The following CCDC47 variants were observed in gnomAD, a reference collection of about 807,000 sequenced individuals.
The protein encoded by CCDC47 is coiled-coil domain containing 47, also known as PAT complex subunit CCDC47.
Under a neutral mutation model 60.5 loss-of-function variants are expected in CCDC47, and 41 were observed. The ratio of observed to expected loss-of-function variants is 0.68; its 90% CI spans 0.53 to 0.88. The LOEUF (loss-of-function observed/expected upper bound fraction) is 0.88. Among genes scored for constraint, CCDC47 ranks in the 40% least tolerant of loss-of-function variants. The pLI is 0.00. For missense variants in CCDC47, 513 were observed against 580.9 expected, an observed-to-expected ratio of 0.88 and a Z score of 1.20; for synonymous variants, 195 against 190.7, an observed-to-expected ratio of 1.02 and a Z score of -0.18.
At chr17:63,747,835 A>C in intron 12 of CCDC47, 1 of 968,238 alleles carries the variant, frequency 1.0e-6, no homozygotes, top group South Asian at 4.8e-5. Context: ...TGGTTTGGGA[A>C]CTATTGACTG....
At position 63,761,222 on chromosome 17, in the gene CCDC47, C is replaced by T. The variant is rs376901802; in HGVS notation, c.669+8G>A. 8.1e-5 allele frequency: 131 copies of T among 1,613,912 alleles called. No individual in the cohort carries two copies. Among genetic ancestry groups the T allele is most frequent in the Non-Finnish European group, 9.7e-5 (115 of 1,179,966 alleles). On this transcript the variant is annotated splice_region_variant and intron_variant, in intron 5 of 12. Transcript: ENST00000225726. ...AGATATATATCGTACAAGAAGTTTC[C>T]TACTTACCCTCAGCTGGATAAGCAT... is the stretch of plus-strand genomic sequence containing the variant.
At position 63,750,136 on chromosome 17, in the gene CCDC47, A is replaced by G. The variant is rs141047650; in HGVS notation, c.1371+1804T>C. On this transcript the variant is annotated intron_variant, in intron 12 of 12. Coordinates refer to ENST00000225726, the MANE Select transcript of CCDC47 (RefSeq NM_020198.3). ...GATTTACATCGACAAGAAGCTTACA[A>G]TCTGACTCAGGTTAAGTTTCAGGCC... Among the ~76,000 whole-genome samples, 39 of 152,280 alleles carry G rather than the reference A, an allele frequency of 2.6e-4. No homozygotes were observed. The East Asian group carries it at 5.4e-3, about 21-fold the overall frequency.
chr17:63,756,061 A>G (rs1321868431), intron 8 of CCDC47, among the ~76,000 whole-genome samples, 179 bp downstream of exon 8: 1 of 152,256 alleles, frequency 6.6e-6, no homozygotes, highest in Non-Finnish European at 1.5e-5. Flanking sequence ...TTGACTAATC[A>G]AATTGTCCTT....
chr17:63,761,878 A>C, intron 4 of CCDC47: 3 of 832,262 alleles, frequency 3.6e-6, no homozygotes, highest in Non-Finnish European at 4.3e-6. Context: ...AGAAATATGG[A>C]TTCTAAGCAC....
intron 6 of CCDC47, among the ~76,000 whole-genome samples, chr17:63,757,997 T>C (rs1053679771): frequency 2.6e-5 from 4 of 152,108 alleles, no homozygotes; most frequent in Admixed American, 1.3e-4. Flanking sequence ...ACAAAAACTC[T>C]TGAACAAGAT....
At chr17:63,752,859 A>C in intron 9 of CCDC47, 60 bp from the exon 10 acceptor site, 2 of 1,583,724 alleles carry the variant, frequency 1.3e-6, no homozygotes, top group South Asian at 2.3e-5. Flanking sequence ...CCATGTACAC[A>C]AGTCACCCAA....
intron 6 of CCDC47, among the ~76,000 whole-genome samples, chr17:63,759,554 TATATA>T (rs2039239053): frequency 2.8e-5 from 1 of 36,320 alleles, no homozygotes; most frequent in Admixed American, 3.4e-4. Context: ...TATATATATA[TATATA>T]TATATATATA....
intron 12 of CCDC47, among the ~76,000 whole-genome samples, chr17:63,748,157 G>GTT (rs1198742989): frequency 6.8e-6 from 1 of 146,292 alleles, no homozygotes; most frequent in Non-Finnish European, 1.5e-5. Flanking sequence ...GCCTGGCCAG[G>GTT]TTTTTTTTTT....
Position 63,766,076 on chromosome 17 carries a change from A to C in CCDC47, c.100T>G (p.Tyr34Asp). Reference protein sequence around the residue: ...DFEDEEDIVEYDDNDFAEFED... With the variant: ...DFEDEEDIVEDDDNDFAEFED... ...AATTCAGCGAAGTCATTATCATCAT[A>C]CTCTACTATGTCCTCCTCATCCTCA... Residue 34 changes from tyrosine (Y) to aspartate (D), a missense_variant, in exon 2 of 13, where the codon TAT (tyrosine) becomes GAT (aspartate). Transcript: ENST00000225726. 6.2e-7 allele frequency: 1 copy of C among 1,613,896 alleles called. No homozygotes were observed. The highest frequency in any genetic ancestry group is 8.5e-7 in the Non-Finnish European group (1 of 1,179,986).
intron 3 of CCDC47, 83 bp from the exon 4 acceptor site, chr17:63,764,273 C>T (rs1731454806): frequency 9.7e-7 from 1 of 1,031,518 alleles, no homozygotes; most frequent in Admixed American, 2.5e-5. Flanking sequence ...ATGAGAAAAT[C>T]CATAAACAGA....
chr17:63,764,976 T>C (rs1242292338), intron 2 of CCDC47, 129 bp from the exon 3 acceptor site: 4 of 1,434,076 alleles, frequency 2.8e-6, no homozygotes, highest in African/African-American at 2.9e-5. Flanking sequence ...AGATGTTACA[T>C]GTTTTTAACA....
intron 1 of CCDC47, among the ~76,000 whole-genome samples, chr17:63,772,354 C>T (rs994441368): frequency 6.8e-6 from 1 of 147,576 alleles, no homozygotes; most frequent in East Asian, 2.2e-4. Context: ...CCCGGGTTCA[C>T]GCCATTCTTC....
chr17:63,772,359 T>A (rs2039352244), intron 1 of CCDC47, among the ~76,000 whole-genome samples: 1 of 146,664 alleles, frequency 6.8e-6, no homozygotes, highest in African/African-American at 2.5e-5. Flanking sequence ...GTTCACGCCA[T>A]TCTTCTGCCT....
intron 6 of CCDC47, among the ~76,000 whole-genome samples, chr17:63,757,997 T>G (rs1053679771): frequency 3.3e-5 from 5 of 152,108 alleles, no homozygotes; most frequent in African/African-American, 1.2e-4. Context: ...ACAAAAACTC[T>G]TGAACAAGAT....
chr17:63,755,317 T>C (rs2144478628), intron 8 of CCDC47: 1 of 984,840 alleles, frequency 1.0e-6, no homozygotes, highest in African/African-American at 1.7e-5. Context: ...GGAATCTCTT[T>C]AGAATTAAAG....
intron 9 of CCDC47, chr17:63,753,026 T>G (rs914308785): frequency 1.6e-6 from 1 of 643,482 alleles, no homozygotes; most frequent in African/African-American, 2.0e-5. Flanking sequence ...TTTGAACACC[T>G]CCAGTGATGT....
chr17:63,764,697 C>CAA, intron 3 of CCDC47, 43 bp downstream of exon 3: 1 of 1,523,464 alleles, frequency 6.6e-7, no homozygotes, highest in South Asian at 1.1e-5. Flanking sequence ...GATGACAAGA[C>CAA]ATTTTGTTGT....
intron 12 of CCDC47, among the ~76,000 whole-genome samples, chr17:63,751,365 C>CAAAAAAAAAAAAAAAAAAAAAAA (rs59161342): frequency 2.0e-4 from 6 of 29,512 alleles, no homozygotes; most frequent in African/African-American, 2.2e-4. Context: ...GACTCCATCT[C>CAAAAAAAAAAAAAAAAAAAAAAA]AAAAAAAAAA....
chr17:63,764,589 G>C, intron 3 of CCDC47, 151 bp downstream of exon 3: 3 of 648,278 alleles, frequency 4.6e-6, no homozygotes, highest in Non-Finnish European at 7.6e-6. Flanking sequence ...AGACGGAGAG[G>C]TGTTGATTTT....
Sources: gnomAD v4.1 joint callset for allele counts (sites outside exome capture counted in the v4.1 genomes callset) on GRCh38, gnomAD v4.1.1 for gene constraint, MANE v1.5 for transcripts, NCBI Gene and HGNC (gene_info 2026-07-23, HGNC 2026-07-21) for gene names.